HDX: variants seen among roughly 807,000 people sequenced by gnomAD.
The protein encoded by HDX is chromosome X open reading frame 43.
In HDX, 19 loss-of-function variants were observed where a neutral mutation model predicts 45.2. That is an observed-to-expected ratio of 0.42 (90% CI 0.29 to 0.62). HDX has a LOEUF of 0.62. Among genes scored for constraint, HDX ranks in the 20% least tolerant of loss-of-function variants. The probability of loss-of-function intolerance (pLI) is 0.20; values close to 1 mark genes in which losing one functional copy is unlikely to be tolerated. For synonymous variants in HDX, 188 were observed against 172.8 expected (o/e 1.09, Z -0.69); for missense variants, 532 against 493.9 (o/e 1.08, Z -0.73).
intron 6 of HDX, among the ~76,000 whole-genome samples, chrX:84,349,821 C>A (rs946339109): frequency 1.8e-5 from 2 of 108,667 alleles, no homozygotes; most frequent in Admixed American, 1.0e-4. Flanking sequence ...AACAGAAAGT[C>A]AAATAACACA....
intron 5 of HDX, among the ~76,000 whole-genome samples, chrX:84,364,005 G>A (rs150761113): frequency 0.017 from 1,913 of 111,416 alleles, 36 homozygotes; most frequent in African/African-American, 0.059. Flanking sequence ...ACTTCACTTG[G>A]CTTATATTGC....
intron 3 of HDX, among the ~76,000 whole-genome samples, chrX:84,469,979 A>G (rs1404805603): frequency 8.9e-6 from 1 of 112,026 alleles, no homozygotes; most frequent in Non-Finnish European, 1.9e-5. Flanking sequence ...CTGAAAAATT[A>G]AAAACATACT....
At position 84,319,329 on chromosome X, in the gene HDX, C is replaced by T. The variant is rs1470199377; in HGVS notation, c.*2560G>A. On this transcript the variant is annotated 3_prime_UTR_variant, in exon 11 of 11. Transcript: ENST00000373177. The stretch of plus-strand genomic sequence containing the variant: ...AAGCTGATAATTTTTCCTGCTCTAA[C>T]ATATCTCAAAACCAACTCCTATCTA... 1 of 110,836 alleles carries T rather than the reference C, an allele frequency of 9.0e-6. No individual in the cohort carries two copies. The highest frequency in any genetic ancestry group is 1.9e-5 in the Non-Finnish European group (1 of 52,440). 9.1% of individuals were successfully genotyped at this position (110,836 alleles called of 1,213,427 possible). A position where few individuals can be genotyped will look rare whatever the true frequency, so the allele number is the denominator to read the frequency against.
At chrX:84,500,801 C>A (rs188288422) in intron 1 of HDX, among the ~76,000 whole-genome samples, 1 of 111,714 alleles carries the variant, frequency 9.0e-6, no homozygotes, top group Admixed American at 9.5e-5. Context: ...TCCTGCATTA[C>A]AATGAGGCCA....
chrX:84,432,538 A>C (rs2039528391), intron 5 of HDX, among the ~76,000 whole-genome samples: 1 of 110,886 alleles, frequency 9.0e-6, no homozygotes, highest in Non-Finnish European at 1.9e-5. Flanking sequence ...CATTGTAGAG[A>C]TATTTCACCC....
intron 3 of HDX, among the ~76,000 whole-genome samples, chrX:84,472,368 T>C (rs1470050017): frequency 9.0e-6 from 1 of 111,321 alleles, no homozygotes; most frequent in Non-Finnish European, 1.9e-5. Flanking sequence ...CCTAGCAACC[T>C]CCCTTGTCCA....
intron 9 of HDX, among the ~76,000 whole-genome samples, chrX:84,330,658 C>A (rs1230605592): frequency 9.0e-6 from 1 of 111,637 alleles, no homozygotes; most frequent in Non-Finnish European, 1.9e-5. Flanking sequence ...TCCTTCTTAG[C>A]TGCATTCAAG....
chrX:84,412,732 G>A (rs2039016602), intron 5 of HDX, among the ~76,000 whole-genome samples: 1 of 111,824 alleles, frequency 8.9e-6, no homozygotes, highest in Non-Finnish European at 1.9e-5. Flanking sequence ...AGAGGTTGGG[G>A]AATTTTCCAT....
At chrX:84,380,239 T>C (rs199771359) in intron 5 of HDX, among the ~76,000 whole-genome samples, 1 of 100,519 alleles carries the variant, frequency 9.9e-6, no homozygotes, top group African/African-American at 3.6e-5. Context: ...AGCCTCCCAA[T>C]AAAAAAAAAA....
intron 4 of HDX, among the ~76,000 whole-genome samples, chrX:84,457,799 G>C (rs1231675541): frequency 1.8e-5 from 2 of 111,937 alleles, no homozygotes; most frequent in East Asian, 5.6e-4. Context: ...AACATTCATA[G>C]AGTGACATAT....
chrX:84,334,433 GGAGA>G (rs1325769470), intron 8 of HDX, among the ~76,000 whole-genome samples: 1 of 109,853 alleles, frequency 9.1e-6, no homozygotes, highest in Non-Finnish European at 1.9e-5. Context: ...ATGAGGAGGT[GGAGA>G]GAGAGGAAAA....
rs181008592 is a variant in HDX, at chrX:84,376,848, G to A, written c.1306-15236C>T. ...TCCCTGCCCTGAAGGGAAGGACCCC[G>A]GGTTGGCTTGTTTTGCCACCAGCTG... On this transcript the variant is annotated intron_variant, in intron 5 of 10. Coordinates refer to ENST00000373177, the MANE Select transcript of HDX (RefSeq NM_001177479.2). Among the ~76,000 whole-genome samples, 285 of 112,288 alleles carry A rather than the reference G, an allele frequency of 2.5e-3. 1 individual carries two copies. Among genetic ancestry groups the A allele is most frequent in the African/African-American group, 8.8e-3 (273 of 30,966 alleles).
At chrX:84,358,558 A>T (rs1482188164) in intron 6 of HDX, among the ~76,000 whole-genome samples, 1 of 111,722 alleles carries the variant, frequency 9.0e-6, no homozygotes, top group Non-Finnish European at 1.9e-5. Flanking sequence ...CCTTGTTAGT[A>T]TACTTTAACA....
intron 9 of HDX, among the ~76,000 whole-genome samples, chrX:84,331,970 G>T (rs1555979046): frequency 1.8e-5 from 2 of 111,539 alleles, no homozygotes; most frequent in African/African-American, 6.5e-5. Context: ...ATCATTAAGT[G>T]ATGCATAATG....
Position 84,469,614 on chromosome X carries a change from AAAAC to A in HDX, c.148-43_148-40del, listed in dbSNP as rs751506457. ...ACATGGTATTATGAAAAAAAAATTA[AAAAC>A]AAACGAAGAAAAAACAAATTTTACG... On this transcript the variant is annotated intron_variant, in intron 3 of 10. Coordinates refer to ENST00000373177, the MANE Select transcript of HDX (RefSeq NM_001177479.2). 229 of 1,090,193 alleles carry A rather than the reference AAAAC, an allele frequency of 2.1e-4. No individual in the cohort carries two copies. In the South Asian group the frequency reaches 5.2e-3, roughly 25 times the overall value. The allele number at this position is 1,090,193 out of a possible 1,213,427, so 89.8% of individuals were successfully genotyped here.
Position 84,330,612 on chromosome X carries a change from G to A in HDX, c.1824+3147C>T, listed in dbSNP as rs972291622. ...GTCGTTTCTAATACAAGAGATATAC[G>A]TTATCATTATAGTAGTATCTGGTTT... On this transcript the variant is annotated intron_variant, in intron 9 of 10. Transcript: ENST00000373177. 4.5e-5 allele frequency among the ~76,000 whole-genome samples: 5 copies of A among 111,378 alleles called. No homozygotes were observed. The South Asian group carries it at 1.5e-3, about 33-fold the overall frequency.
intron 7 of HDX, among the ~76,000 whole-genome samples, chrX:84,342,776 G>A (rs2037116223): frequency 9.0e-6 from 1 of 111,082 alleles, no homozygotes; most frequent in African/African-American, 3.3e-5. Flanking sequence ...TTACATAATT[G>A]TAGTATAAGG....
intron 6 of HDX, among the ~76,000 whole-genome samples, chrX:84,350,628 C>T (rs187831743): frequency 9.9e-5 from 11 of 111,284 alleles, no homozygotes; most frequent in South Asian, 7.5e-4. Context: ...TTACTTTATC[C>T]GATATTATTG....
chrX:84,482,955 A>G (rs1418011777), intron 2 of HDX, among the ~76,000 whole-genome samples: 1 of 112,103 alleles, frequency 8.9e-6, no homozygotes, highest in Admixed American at 9.4e-5. Context: ...TATAGGCCTC[A>G]TGCAAGTTCA....
Sources: gnomAD v4.1 joint callset for allele counts (sites outside exome capture counted in the v4.1 genomes callset) on GRCh38, gnomAD v4.1.1 for gene constraint, MANE v1.5 for transcripts, NCBI Gene and HGNC (gene_info 2026-07-23, HGNC 2026-07-21) for gene names.